Variants in RAB38 observed in about 807,000 individuals in gnomAD.
The protein encoded by RAB38 is ras-related protein Rab-38.
A neutral mutation model predicts 18.4 loss-of-function variants in RAB38; 15 were observed. That is an observed-to-expected ratio of 0.82 (90% confidence interval 0.55 to 1.26). The LOEUF is 1.26. Ranked by LOEUF, RAB38 falls within the 50% of genes most tolerant of loss-of-function variation. The pLI, the probability that RAB38 is intolerant of heterozygous loss-of-function variation, is 0.00. For synonymous variants in RAB38, 101 were observed against 104.4 expected (o/e 0.97, Z 0.20); for missense variants, 294 against 267.4 (o/e 1.10, Z -0.69).
the RAB38 span, among the ~76,000 whole-genome samples, chr11:87,976,570 A>G: frequency 1.1e-5 from 1 of 93,684 alleles, no homozygotes; most frequent in Non-Finnish European, 2.0e-5. Context: ...ATAACTATAC[A>G]ATAAATATAT....
the RAB38 span, among the ~76,000 whole-genome samples, chr11:87,837,251 C>T: frequency 2.0e-5 from 3 of 152,158 alleles, no homozygotes; most frequent in Non-Finnish European, 2.9e-5. Flanking sequence ...ACATTTTCCC[C>T]ATGTTAGCAC....
the RAB38 span, among the ~76,000 whole-genome samples, chr11:87,938,317 G>C: frequency 1.3e-5 from 2 of 152,162 alleles, no homozygotes; most frequent in East Asian, 1.9e-4. Context: ...ATCTTGGTGT[G>C]AGGTTGGAAG....
chr11:87,958,879 G>A, the RAB38 span, among the ~76,000 whole-genome samples: 18 of 152,038 alleles, frequency 1.2e-4, no homozygotes, highest in Non-Finnish European at 2.1e-4. Context: ...TGCTTTTTAT[G>A]TTTGTTTCTG....
intron 1 of RAB38, among the ~76,000 whole-genome samples, chr11:88,152,150 GA>G (rs1943069830): frequency 6.6e-6 from 1 of 152,142 alleles, no homozygotes; most frequent in Non-Finnish European, 1.5e-5. Context: ...AAAAACAGGG[GA>G]AAAAAGCCTT....
rs114538333 is a variant in RAB38, at chr11:88,143,922, A to G, written c.483+5753T>C. On this transcript the variant is annotated intron_variant, in intron 2 of 2. Coordinates refer to ENST00000243662, the MANE Select transcript of RAB38 (RefSeq NM_022337.3). Reference sequence around the variant, plus strand: ...GTAGGGAACCTCTAGAGAATTGATTAGCTAAAGATAAAATATTGTTATTAA... The same window carrying G: ...GTAGGGAACCTCTAGAGAATTGATTGGCTAAAGATAAAATATTGTTATTAA... Among the ~76,000 whole-genome samples the G allele has an allele frequency of 5.4e-3, 816 of 152,340 alleles. 5 individuals are homozygous for G. Among genetic ancestry groups the G allele is most frequent in the African/African-American group, 0.019 (777 of 41,588 alleles).
At chr11:88,009,668 A>T in the RAB38 span, among the ~76,000 whole-genome samples, 1,460 of 152,336 alleles carry the variant, frequency 9.6e-3, 19 homozygotes, top group African/African-American at 0.034. Flanking sequence ...TCAAAATACC[A>T]AAGGAGTAAA....
the RAB38 span, among the ~76,000 whole-genome samples, chr11:87,894,588 T>G: frequency 2.0e-5 from 3 of 151,610 alleles, no homozygotes; most frequent in African/African-American, 7.3e-5. Context: ...AAAACACATT[T>G]GGCATTTTAT....
intron 2 of RAB38, among the ~76,000 whole-genome samples, chr11:88,118,248 G>T (rs941460280): frequency 6.6e-6 from 1 of 152,244 alleles, no homozygotes; most frequent in Non-Finnish European, 1.5e-5. Flanking sequence ...AGGCTGATTT[G>T]TATTACTGGC....
chr11:88,048,138 C>T, the RAB38 span, among the ~76,000 whole-genome samples: 5 of 152,150 alleles, frequency 3.3e-5, no homozygotes, highest in Non-Finnish European at 7.3e-5. Flanking sequence ...GATTTGCCCC[C>T]ACCCAGGACT....
chr11:87,931,811 A>T, the RAB38 span, among the ~76,000 whole-genome samples: 1 of 152,020 alleles, frequency 6.6e-6, no homozygotes, highest in African/African-American at 2.4e-5. Flanking sequence ...CTGTGTGTTT[A>T]AGTGTGGACA....
intron 2 of RAB38, 152 bp from the exon 3 acceptor site, chr11:88,114,292 C>A: frequency 2.4e-6 from 2 of 829,408 alleles, no homozygotes; most frequent in Non-Finnish European, 3.7e-6. Context: ...TTTGTTCCTT[C>A]AAAGAACTTT....
chr11:88,056,629 C>T, the RAB38 span, among the ~76,000 whole-genome samples: 2 of 151,992 alleles, frequency 1.3e-5, no homozygotes, highest in Non-Finnish European at 2.9e-5. Flanking sequence ...ACGGTGAAAC[C>T]GCGTCTCTAC....
At chr11:88,024,144 C>G in the RAB38 span, among the ~76,000 whole-genome samples, 1 of 152,122 alleles carries the variant, frequency 6.6e-6, no homozygotes, top group Non-Finnish European at 1.5e-5. Flanking sequence ...ACCTATTACC[C>G]ATCTGACAAG....
the RAB38 span, among the ~76,000 whole-genome samples, chr11:87,864,203 A>C: frequency 6.6e-6 from 1 of 151,686 alleles, no homozygotes; most frequent in Non-Finnish European, 1.5e-5. Flanking sequence ...AACATTACCA[A>C]AACTTCTTTC....
the RAB38 span, among the ~76,000 whole-genome samples, chr11:87,830,885 A>G: frequency 6.6e-6 from 1 of 151,862 alleles, no homozygotes; most frequent in Non-Finnish European, 1.5e-5. Flanking sequence ...TGCAACCTCC[A>G]TCTCCATGGC....
chr11:88,113,996 T>C lies in RAB38; in HGVS notation c.628A>G (p.Lys210Glu). 6.2e-7 allele frequency: 1 copy of C among 1,614,184 alleles called. No homozygotes were observed. Among genetic ancestry groups the C allele is most frequent in the Non-Finnish European group, 8.5e-7 (1 of 1,180,004 alleles). ...TKVASCSGCA[K>E]S ...ACCAGCAAAGGTGCCTACTAGGATTTGGCACAGCCAGAGCAGCTGGCAACC... is the reference window on the plus strand; with the variant it reads ...ACCAGCAAAGGTGCCTACTAGGATTCGGCACAGCCAGAGCAGCTGGCAACC... Residue 210 changes from lysine (K) to glutamate (E), a missense_variant, in exon 3 of 3, where the codon AAA becomes GAA. Lys to Glu is a moderately conservative substitution (Grantham distance 56, BLOSUM62 1). Coordinates refer to ENST00000243662, the MANE Select transcript of RAB38 (RefSeq NM_022337.3).
chr11:88,175,063 G>A (rs1943366403), intron 1 of RAB38, 120 bp downstream of exon 1: 4 of 1,227,720 alleles, frequency 3.3e-6, no homozygotes, highest in African/African-American at 3.0e-5. Context: ...CAGCCCACCA[G>A]GAAAAACTGC....
At chr11:88,032,819 C>A in the RAB38 span, among the ~76,000 whole-genome samples, 1 of 152,160 alleles carries the variant, frequency 6.6e-6, no homozygotes, top group African/African-American at 2.4e-5. Flanking sequence ...GACAGTGTGG[C>A]GATTCCTCAG....
chr11:87,838,765 T>C, the RAB38 span, among the ~76,000 whole-genome samples: 2 of 152,232 alleles, frequency 1.3e-5, no homozygotes, highest in East Asian at 3.9e-4. Context: ...ACATATGACA[T>C]CCTGAAATAG....
Sources: gnomAD v4.1 joint callset for allele counts (sites outside exome capture counted in the v4.1 genomes callset) on GRCh38, gnomAD v4.1.1 for gene constraint, MANE v1.5 for transcripts, NCBI Gene and HGNC (gene_info 2026-07-23, HGNC 2026-07-21) for gene names.